Variants in ABCE1 observed in about 807,000 individuals in gnomAD.
ABCE1 encodes the protein ATP-binding cassette sub-family E member 1.
A neutral mutation model predicts 83.4 loss-of-function variants in ABCE1; 22 were observed. That is an observed-to-expected ratio of 0.26 (90% confidence interval 0.19 to 0.38). The LOEUF (loss-of-function observed/expected upper bound fraction) is 0.38, where lower values mean the gene tolerates loss of function less well. Among genes scored for constraint, ABCE1 ranks in the 10% least tolerant of loss-of-function variants. The pLI is 1.00. For missense variants in ABCE1, 330 were observed against 721.9 expected, an observed-to-expected ratio of 0.46 and a Z score of 6.22; for synonymous variants, 204 against 233.7, an observed-to-expected ratio of 0.87 and a Z score of 1.16.
At position 145,110,183 on chromosome 4, in the gene ABCE1, T is replaced by A; in HGVS notation, c.486T>A (p.Asp162Glu). 6.2e-7 allele frequency: 1 copy of A among 1,608,496 alleles called. No homozygotes were observed. Among genetic ancestry groups the A allele is most frequent in the Non-Finnish European group, 8.5e-7 (1 of 1,178,472 alleles). ...ATTACTTTACAAAGATTCTAGAAGA[T>A]GACCTAAAAGCCATCATCAAACCTC... ...LQNYFTKILE[D>E]DLKAIIKPQY... is the part of the protein sequence containing the mutation. Residue 162 changes from aspartate to glutamate, a missense_variant, in exon 6 of 18, where the codon GAT becomes GAA. Physicochemically the swap from Asp to Glu is conservative, Grantham distance 45. Transcript: ENST00000296577.
intron 15 of ABCE1, 48 bp from the exon 16 acceptor site, chr4:145,123,430 A>G: frequency 6.3e-7 from 1 of 1,588,536 alleles, no homozygotes; most frequent in East Asian, 2.3e-5. Context: ...TAACAGTCGA[A>G]TGTTTTATGA....
chr4:145,117,922 G>C (rs1749647080), intron 10 of ABCE1, among the ~76,000 whole-genome samples: 1 of 151,576 alleles, frequency 6.6e-6, no homozygotes, highest in Non-Finnish European at 1.5e-5. Flanking sequence ...AAGAAAATGA[G>C]ATTCCCTGGC....
rs755342557 is a variant in ABCE1 at position 145,123,573 on chromosome 4, T to C, written c.1613T>C (p.Val538Ala). 1.9e-5 allele frequency: 31 copies of C among 1,603,688 alleles called. 1 individual carries two copies. The highest frequency in any genetic ancestry group is 4.0e-5 in the African/African-American group (3 of 74,836). Reference protein sequence around the residue: ...LADRVIVFDGVPSKNTVANSP... With the variant: ...LADRVIVFDGAPSKNTVANSP... ...GATCGCGTCATCGTTTTTGATGGTG[T>C]TCCATCTAAGAACACAGTTGCAAAC... Residue 538 changes from valine (V) to alanine (A), a missense_variant, in exon 16 of 18, where the codon GTT (valine) becomes GCT (alanine). Coordinates refer to ENST00000296577, the MANE Select transcript of ABCE1 (RefSeq NM_002940.3).
intron 1 of ABCE1, among the ~76,000 whole-genome samples, chr4:145,098,981 G>C (rs1239614330): frequency 6.6e-6 from 1 of 152,224 alleles, no homozygotes; most frequent in African/African-American, 2.4e-5. Flanking sequence ...TCAGAACAGC[G>C]TGTACGCAGC....
chr4:145,106,678 G>C (rs1355976060), intron 3 of ABCE1, among the ~76,000 whole-genome samples: 2 of 152,002 alleles, frequency 1.3e-5, no homozygotes, highest in Non-Finnish European at 2.9e-5. Flanking sequence ...ATATTATAAT[G>C]TACCTCATAT....
chr4:145,119,419 AT>A (rs1398823966), intron 10 of ABCE1, among the ~76,000 whole-genome samples: 1 of 151,974 alleles, frequency 6.6e-6, no homozygotes, highest in East Asian at 1.9e-4. Flanking sequence ...CATTAAAAAA[AT>A]GTTAACTGGA....
chr4:145,111,231 CCT>C, intron 8 of ABCE1, 167 bp downstream of exon 8: 1 of 464,524 alleles, frequency 2.2e-6, no homozygotes. Context: ...ACTCATTTTC[CCT>C]GTTATATTCA....
chr4:145,109,563 T>A (rs1458454817), intron 5 of ABCE1, among the ~76,000 whole-genome samples: 1 of 152,214 alleles, frequency 6.6e-6, no homozygotes, highest in African/African-American at 2.4e-5. Flanking sequence ...CAGTCAATAG[T>A]TTGATTAGGC....
intron 3 of ABCE1, among the ~76,000 whole-genome samples, chr4:145,107,365 G>A (rs1020289169): frequency 2.6e-5 from 4 of 152,086 alleles, no homozygotes; most frequent in Middle Eastern, 3.4e-3. Context: ...TACAAGGGCA[G>A]GAATAATTGA....
chr4:145,122,160 ACCT>A (rs1216843987), intron 13 of ABCE1: 2 of 152,110 alleles, frequency 1.3e-5, no homozygotes, highest in Non-Finnish European at 2.9e-5. Context: ...GTTAAAGTTA[ACCT>A]CCTTTGATTT....
chr4:145,127,531 A>G lies in ABCE1; in HGVS notation c.1758A>G (p.Val586=), dbSNP rs1226722699. ...GCTTCTGTTTTCTTTTTTAGGATGT[A>G]GAACAAAAGAAGAGTGGAAACTACT... is the stretch of plus-strand genomic sequence containing the variant. The part of the protein sequence containing the change: ...RINKLNSIKD[V]EQKKSGNYFF... Residue 586 remains valine, a synonymous_variant, in exon 18 of 18, where the codon GTA becomes GTG. Coordinates refer to ENST00000296577, the MANE Select transcript of ABCE1 (RefSeq NM_002940.3). The G allele has an allele frequency of 2.5e-6, 4 of 1,583,172 alleles. No homozygotes were observed. In the East Asian group the frequency reaches 9.2e-5, roughly 36 times the overall value.
chr4:145,109,316 A>T (rs1579212581), intron 5 of ABCE1, 67 bp downstream of exon 5: 1 of 825,508 alleles, frequency 1.2e-6, no homozygotes, highest in Non-Finnish European at 1.9e-6. Context: ...GGGGGATGAT[A>T]TGTATATTTT....
At chr4:145,118,466 T>G (rs1172883284) in intron 10 of ABCE1, among the ~76,000 whole-genome samples, 2 of 151,702 alleles carry the variant, frequency 1.3e-5, no homozygotes, top group Non-Finnish European at 3.0e-5. Flanking sequence ...AAAGAAAAAT[T>G]TGCAGTTACC....
At chr4:145,098,752 A>G (rs1748978279) in intron 1 of ABCE1, among the ~76,000 whole-genome samples, 1 of 152,084 alleles carries the variant, frequency 6.6e-6, no homozygotes, top group South Asian at 2.1e-4. Context: ...CTGGAGAGGA[A>G]GGCACCTTTA....
At position 145,124,971 on chromosome 4, in the gene ABCE1, A is replaced by AT. The variant is rs4148246; in HGVS notation, c.1641-8dup. 24,370 of 1,039,706 alleles carry AT rather than the reference A, an allele frequency of 0.023. No individual in the cohort carries two copies. Among genetic ancestry groups the AT allele is most frequent in the South Asian group, 0.029 (1,591 of 55,568 alleles). 64.4% of individuals were successfully genotyped at this position (1,039,706 alleles called of 1,614,324 possible). A position where few individuals can be genotyped will look rare whatever the true frequency, so the allele number is the denominator to read the frequency against. On this transcript the variant is annotated intron_variant, in intron 16 of 17. Coordinates refer to ENST00000296577, the MANE Select transcript of ABCE1 (RefSeq NM_002940.3). ...CTGAAGTAAAATTTAATCAAAATTG[A>AT]TTTTTTTTTTTCTCTTAGTCCTCAA...
At chr4:145,125,987 G>A (rs1052493373) in intron 17 of ABCE1, among the ~76,000 whole-genome samples, 1 of 152,108 alleles carries the variant, frequency 6.6e-6, no homozygotes, top group Non-Finnish European at 1.5e-5. Flanking sequence ...GTTGCAGTGA[G>A]CTGAGATCGT....
chr4:145,102,120 A>G (rs1441573103), intron 1 of ABCE1, among the ~76,000 whole-genome samples: 1 of 152,106 alleles, frequency 6.6e-6, no homozygotes, highest in Non-Finnish European at 1.5e-5. Context: ...CTAGTAGGAA[A>G]AGTGTTTATT....
At chr4:145,114,779 A>G (rs1183880737) in intron 9 of ABCE1, among the ~76,000 whole-genome samples, 2 of 152,004 alleles carry the variant, frequency 1.3e-5, no homozygotes, top group Non-Finnish European at 2.9e-5. Flanking sequence ...GATTGGCATG[A>G]CAACGTAGAG....
intron 1 of ABCE1, among the ~76,000 whole-genome samples, chr4:145,101,420 A>AT (rs1311827041): frequency 6.6e-6 from 1 of 152,174 alleles, no homozygotes; most frequent in African/African-American, 2.4e-5. Flanking sequence ...CTCATTGATT[A>AT]TTTTCAGGAC....
Sources: allele counts gnomAD v4.1 joint callset (sites outside exome capture counted in the v4.1 genomes callset), GRCh38; gene constraint gnomAD v4.1.1; transcripts MANE v1.5; gene names NCBI Gene and HGNC (gene_info 2026-07-23, HGNC 2026-07-21).